Variants in KIAA2012 observed in about 807,000 individuals in gnomAD.
KIAA2012 encodes the protein uncharacterized protein KIAA2012.
In KIAA2012, 125 loss-of-function variants were observed where a neutral mutation model predicts 150.6. The observed-to-expected ratio is 0.83, with a 90% CI of 0.72 to 0.96. The LOEUF (loss-of-function observed/expected upper bound fraction) is 0.96. KIAA2012 is among the 40% of genes least tolerant of loss of function. The probability of loss-of-function intolerance (pLI) is 0.00; values close to 1 mark genes in which losing one functional copy is unlikely to be tolerated. For missense variants in KIAA2012, 1,219 were observed against 1,354.9 expected (o/e 0.90, Z 1.57); for synonymous variants, 462 against 504.7 (o/e 0.92, Z 1.13).
At chr2:202,204,186 C>T (rs1409611948) in intron 23 of KIAA2012, among the ~76,000 whole-genome samples, 1 of 151,886 alleles carries the variant, frequency 6.6e-6, no homozygotes, top group African/African-American at 2.4e-5. Context: ...AAACAATCCT[C>T]CCACCTCAGC....
intron 15 of KIAA2012, among the ~76,000 whole-genome samples, chr2:202,176,662 ACAAT>A (rs1157334696): frequency 3.3e-5 from 5 of 152,212 alleles, no homozygotes; most frequent in Non-Finnish European, 7.3e-5. Context: ...AAAGAAAAAG[ACAAT>A]CAACCCAAAG....
chr2:202,118,858 A>G (rs1421537765), intron 11 of KIAA2012, among the ~76,000 whole-genome samples: 1 of 152,230 alleles, frequency 6.6e-6, no homozygotes, highest in East Asian at 1.9e-4. Context: ...GGGAGCTACT[A>G]AAACACAGTA....
chr2:202,109,118 C>T (rs760734637), intron 9 of KIAA2012, among the ~76,000 whole-genome samples: 2 of 152,216 alleles, frequency 1.3e-5, no homozygotes, highest in Admixed American at 1.3e-4. Flanking sequence ...CAATCATTGA[C>T]TCTGCCTAGC....
intron 15 of KIAA2012, among the ~76,000 whole-genome samples, chr2:202,181,265 T>G (rs1692114189): frequency 6.6e-6 from 1 of 152,196 alleles, no homozygotes; most frequent in South Asian, 2.1e-4. Flanking sequence ...CTACCACATC[T>G]AGCCTAAAAT....
At chr2:202,137,258 C>T (rs1351954976) in intron 12 of KIAA2012, 1 of 151,768 alleles carries the variant, frequency 6.6e-6, no homozygotes, top group Non-Finnish European at 1.5e-5. Flanking sequence ...TCAGTAGAGC[C>T]ATGTGCTTAG....
chr2:202,119,024 C>T (rs938268079), intron 11 of KIAA2012, among the ~76,000 whole-genome samples: 2 of 152,174 alleles, frequency 1.3e-5, no homozygotes, highest in Non-Finnish European at 2.9e-5. Flanking sequence ...CGGCCAGGCG[C>T]GATGGCTCAT....
intron 22 of KIAA2012, chr2:202,197,661 G>A (rs950474608): frequency 1.3e-5 from 2 of 152,618 alleles, no homozygotes; most frequent in Non-Finnish European, 2.9e-5. Context: ...AGGAGTTCAA[G>A]ACCAGCCTAG....
chr2:202,079,259 A>G (rs1689390099), intron 2 of KIAA2012, among the ~76,000 whole-genome samples: 1 of 152,210 alleles, frequency 6.6e-6, no homozygotes, highest in African/African-American at 2.4e-5. Flanking sequence ...AGTTGAGTCC[A>G]CCAATAACCA....
intron 14 of KIAA2012, among the ~76,000 whole-genome samples, chr2:202,155,674 G>T (rs1349891904): frequency 2.0e-5 from 3 of 152,334 alleles, no homozygotes; most frequent in African/African-American, 7.2e-5. Context: ...CCAAATACTT[G>T]CGGAGTGCAT....
intron 11 of KIAA2012, among the ~76,000 whole-genome samples, chr2:202,124,798 G>A (rs1040330544): frequency 6.6e-6 from 1 of 152,182 alleles, no homozygotes; most frequent in South Asian, 2.1e-4. Flanking sequence ...AGGCCGGTGC[G>A]GTGGCTCACG....
intron 12 of KIAA2012, among the ~76,000 whole-genome samples, chr2:202,128,638 A>T (rs1455636752): frequency 6.6e-6 from 1 of 152,008 alleles, no homozygotes; most frequent in African/African-American, 2.4e-5. Flanking sequence ...ATATGCTGCT[A>T]ACACATACCT....
intron 12 of KIAA2012, among the ~76,000 whole-genome samples, chr2:202,135,329 A>C (rs1691037017): frequency 6.6e-6 from 1 of 152,260 alleles, no homozygotes; most frequent in South Asian, 2.1e-4. Context: ...TGGAATGTGC[A>C]CACCAGTTTC....
At chr2:202,107,787 T>C (rs1690238063) in intron 9 of KIAA2012, among the ~76,000 whole-genome samples, 1 of 152,058 alleles carries the variant, frequency 6.6e-6, no homozygotes, top group Admixed American at 6.5e-5. Context: ...AGGCGGCAGA[T>C]CACCTGAGGT....
intron 13 of KIAA2012, among the ~76,000 whole-genome samples, chr2:202,146,714 G>A (rs151329262): frequency 3.3e-5 from 5 of 151,414 alleles, no homozygotes; most frequent in African/African-American, 1.2e-4. Context: ...CAGGAGGATT[G>A]CTTGAGCCTG....
chr2:202,203,066 G>C (rs899371351), intron 23 of KIAA2012, among the ~76,000 whole-genome samples: 13 of 151,914 alleles, frequency 8.6e-5, no homozygotes, highest in African/African-American at 3.1e-4. Context: ...CACACATTTT[G>C]TTCAACCCAA....
intron 12 of KIAA2012, among the ~76,000 whole-genome samples, chr2:202,132,762 A>ATG (rs1273049687): frequency 8.3e-6 from 1 of 120,634 alleles, no homozygotes; most frequent in Admixed American, 9.3e-5. Context: ...ATATGTATAT[A>ATG]TATACATATA....
At chr2:202,193,171 G>A in intron 19 of KIAA2012, 130 bp from the exon 20 acceptor site, 1 of 912,622 alleles carries the variant, frequency 1.1e-6, no homozygotes, top group Non-Finnish European at 1.7e-6. Context: ...CTATGCAGCT[G>A]TGGGCAAAGT....
At chr2:202,204,162 G>T (rs1692592062) in intron 23 of KIAA2012, among the ~76,000 whole-genome samples, 1 of 148,296 alleles carries the variant, frequency 6.7e-6, no homozygotes, top group African/African-American at 2.5e-5. Context: ...CTGCAGCTTT[G>T]ACCTCCTGGG....
chr2:202,200,552 A>C (rs998883328), intron 22 of KIAA2012, among the ~76,000 whole-genome samples: 2 of 152,104 alleles, frequency 1.3e-5, no homozygotes, highest in Non-Finnish European at 2.9e-5. Flanking sequence ...TTCAATGGAG[A>C]CTGGCGGGAG....
Sources: allele counts gnomAD v4.1 joint callset (sites outside exome capture counted in the v4.1 genomes callset), GRCh38; gene constraint gnomAD v4.1.1; transcripts MANE v1.5; gene names NCBI Gene and HGNC (gene_info 2026-07-23, HGNC 2026-07-21).